C3orf20: variants seen among roughly 807,000 people sequenced by gnomAD.
C3orf20 encodes the protein uncharacterized protein C3orf20.
Under a neutral mutation model 88.3 loss-of-function variants are expected in C3orf20, and 76 were observed. That is an observed-to-expected ratio of 0.86 (90% CI 0.72 to 1.04). The LOEUF (loss-of-function observed/expected upper bound fraction) is 1.04, where lower values mean the gene tolerates loss of function less well. Among genes scored for constraint, C3orf20 ranks in the 50% least tolerant of loss-of-function variants. C3orf20 has a pLI of 0.00. For missense variants in C3orf20, 1,056 were observed against 1,123.3 expected, an observed-to-expected ratio of 0.94 and a Z score of 0.86; for synonymous variants, 436 against 437.4, an observed-to-expected ratio of 1.00 and a Z score of 0.04.
At chr3:14,752,707 C>T (rs1246789924) in intron 12 of C3orf20, among the ~76,000 whole-genome samples, 1 of 152,170 alleles carries the variant, frequency 6.6e-6, no homozygotes, top group Non-Finnish European at 1.5e-5. Flanking sequence ...CAAAAGAAGA[C>T]ATTTATGCAG....
In C3orf20 at chr3:14,772,245, A is replaced by G. The variant is rs371177538; in HGVS notation, c.2630+44A>G. ...TGCCAGAATGGGCGTGGCTCACAGC[A>G]GGCCACCTCGGGGCTATTTGGCCTT... On this transcript the variant is annotated intron_variant, in intron 16 of 16. Transcript: ENST00000253697. This position sits in a 1 kb window ranked among gnomAD's most constrained non-coding sequence, Gnocchi z 4.2. 3.5e-5 allele frequency: 57 copies of G among 1,613,618 alleles called. No individual in the cohort carries two copies. In the African/African-American group the frequency reaches 5.5e-4, roughly 15 times the overall value.
At chr3:14,683,951 C>T (rs1337154069) in intron 3 of C3orf20, among the ~76,000 whole-genome samples, 3 of 151,482 alleles carry the variant, frequency 2.0e-5, no homozygotes, top group Non-Finnish European at 4.4e-5. Context: ...CCAGGACCTA[C>T]AGCAGCACCA....
intron 7 of C3orf20, among the ~76,000 whole-genome samples, chr3:14,707,769 A>G (rs970404479): frequency 6.6e-6 from 1 of 151,574 alleles, no homozygotes; most frequent in Non-Finnish European, 1.5e-5. Context: ...CTTTATGTCT[A>G]AAAAACCATC....
At chr3:14,717,015 T>C (rs1351280116) in intron 9 of C3orf20, among the ~76,000 whole-genome samples, 2 of 152,214 alleles carry the variant, frequency 1.3e-5, no homozygotes, top group Admixed American at 1.3e-4. Context: ...TAGAAATCAG[T>C]TGAAGGCAGG....
chr3:14,684,472 T>C, intron 4 of C3orf20, 90 bp downstream of exon 4: 1 of 1,508,100 alleles, frequency 6.6e-7, no homozygotes, highest in African/African-American at 1.4e-5. Context: ...GTTTGAAGGT[T>C]TGACATTTCC....
At chr3:14,764,432 T>A (rs748915942) in intron 15 of C3orf20, among the ~76,000 whole-genome samples, 2 of 152,204 alleles carry the variant, frequency 1.3e-5, no homozygotes, top group African/African-American at 2.4e-5. Flanking sequence ...ATAATCCGTA[T>A]CTGTGAAACA....
At chr3:14,741,518 A>G (rs1281061348) in intron 12 of C3orf20, among the ~76,000 whole-genome samples, 1 of 152,194 alleles carries the variant, frequency 6.6e-6, no homozygotes, top group Non-Finnish European at 1.5e-5. Flanking sequence ...ACTTACTTTA[A>G]ATATACACTG....
rs933317589 is a variant in C3orf20 at position 14,733,158 on chromosome 3, A to G, written c.1940+4470A>G. ...TATTTTGTTGAAGAGTTTTTCATCT[A>G]TACTCATAAGGGTTATTGGTCTGTA... On this transcript the variant is annotated intron_variant, in intron 12 of 16. Coordinates refer to ENST00000253697, the MANE Select transcript of C3orf20 (RefSeq NM_032137.5). Among the ~76,000 whole-genome samples the G allele has an allele frequency of 3.9e-5, 6 of 152,276 alleles. No homozygotes were observed. The South Asian group carries it at 6.2e-4, about 16-fold the overall frequency.
chr3:14,687,563 A>G (rs2032495969), intron 4 of C3orf20, among the ~76,000 whole-genome samples: 1 of 152,024 alleles, frequency 6.6e-6, no homozygotes, highest in South Asian at 2.1e-4. Context: ...GATCTCCCTC[A>G]TTTGGGGGCA....
intron 13 of C3orf20, 46 bp from the exon 14 acceptor site, chr3:14,759,845 C>G (rs1301020057): frequency 2.6e-6 from 4 of 1,510,954 alleles, no homozygotes; most frequent in South Asian, 1.1e-5. Context: ...CCAGGTACAT[C>G]TTATTGGCAT....
chr3:14,728,620 T>C lies in C3orf20; in HGVS notation c.1872T>C (p.Pro624=). The C allele has an allele frequency of 6.2e-7, 1 of 1,614,132 alleles. No individual in the cohort carries two copies. Among genetic ancestry groups the C allele is most frequent in the South Asian group, 1.1e-5 (1 of 91,076 alleles). The part of the protein sequence containing the change: ...SSIAETLKDE[P]ESAPVSPVRK... ...TTGCAGAGACTTTGAAGGATGAGCCTGAGTCTGCTCCTGTGAGCCCAGTTC... is the reference window on the plus strand; with the variant it reads ...TTGCAGAGACTTTGAAGGATGAGCCCGAGTCTGCTCCTGTGAGCCCAGTTC... Residue 624 remains proline, a synonymous_variant, in exon 12 of 17, where the codon CCT becomes CCC. Coordinates refer to ENST00000253697, the MANE Select transcript of C3orf20 (RefSeq NM_032137.5).
At chr3:14,704,279 C>T in intron 6 of C3orf20, 58 bp from the exon 7 acceptor site, 1 of 1,570,606 alleles carries the variant, frequency 6.4e-7, no homozygotes, top group Non-Finnish European at 8.7e-7. Context: ...CTGTAGAGAG[C>T]ATCCCTGGTG....
chr3:14,688,987 A>G (rs73813948), intron 4 of C3orf20, among the ~76,000 whole-genome samples: 4,411 of 152,166 alleles, frequency 0.029, 216 homozygotes, highest in African/African-American at 0.098. Flanking sequence ...TTATTTGTAT[A>G]ATGTGCATTG....
At chr3:14,730,418 G>A (rs780301343) in intron 12 of C3orf20, among the ~76,000 whole-genome samples, 1 of 151,924 alleles carries the variant, frequency 6.6e-6, no homozygotes, top group Non-Finnish European at 1.5e-5. Flanking sequence ...GTGGTGGTGG[G>A]CGCCTGTGGT....
chr3:14,711,662 G>T (rs2033743807), intron 7 of C3orf20, among the ~76,000 whole-genome samples: 1 of 109,658 alleles, frequency 9.1e-6, no homozygotes. Flanking sequence ...TTGAGACTGA[G>T]TCTCGCTCTA....
At chr3:14,702,770 G>T (rs117753352) in intron 5 of C3orf20, among the ~76,000 whole-genome samples, 1 of 151,954 alleles carries the variant, frequency 6.6e-6, no homozygotes. Context: ...GCAATCATGC[G>T]TTCCCAACAG....
Position 14,722,669 on chromosome 3 carries a change from C to G in C3orf20, c.1566+885C>G, listed in dbSNP as rs1448903184. ...TATCGTCTCCACAAATTGAAAATTC[C>G]CTGTGATTCCCTCTAATGTCTGTTG... On this transcript the variant is annotated intron_variant, in intron 10 of 16. Coordinates refer to ENST00000253697, the MANE Select transcript of C3orf20 (RefSeq NM_032137.5). The G allele has an allele frequency of 6.7e-6, 3 of 444,576 alleles. No individual in the cohort carries two copies. The Admixed American group carries it at 7.2e-5, about 11-fold the overall frequency. 27.5% of individuals were successfully genotyped at this position (444,576 alleles called of 1,614,324 possible).
rs1040362607 is a variant in C3orf20, at chr3:14,759,482, G to A, written c.2245-409G>A. Among the ~76,000 whole-genome samples, 5 of 152,136 alleles carry A rather than the reference G, an allele frequency of 3.3e-5. No homozygotes were observed. In the South Asian group the frequency reaches 8.3e-4, roughly 25 times the overall value. ...GGCTTGCCAGGAGTGGGTAGGGAGTGGGGGAATTCTTTATGCTGTGTAAAG... is the reference window on the plus strand; with the variant it reads ...GGCTTGCCAGGAGTGGGTAGGGAGTAGGGGAATTCTTTATGCTGTGTAAAG... On this transcript the variant is annotated intron_variant, in intron 13 of 16. Transcript: ENST00000253697.
intron 12 of C3orf20, among the ~76,000 whole-genome samples, chr3:14,755,317 T>C (rs537693739): frequency 6.6e-6 from 1 of 152,332 alleles, no homozygotes; most frequent in East Asian, 1.9e-4. Flanking sequence ...TATCAATCTT[T>C]TTCTATTATG....
Sources: allele counts gnomAD v4.1 joint callset (sites outside exome capture counted in the v4.1 genomes callset), GRCh38; gene constraint gnomAD v4.1.1; non-coding constraint Gnocchi (gnomAD v3.1); transcripts MANE v1.5; gene names NCBI Gene and HGNC (gene_info 2026-07-23, HGNC 2026-07-21).